ALK: variants seen among roughly 807,000 people sequenced by gnomAD.
ALK encodes ALK tyrosine kinase receptor.
ALK carries 74 observed loss-of-function variants against 163.1 expected under a neutral mutation model. The ratio of observed to expected loss-of-function variants is 0.45; its 90% CI spans 0.38 to 0.55. The LOEUF is 0.55. Among genes scored for constraint, ALK ranks in the 20% least tolerant of loss-of-function variants. ALK has a pLI of 0.00. For missense variants in ALK, 2,063 were observed against 2,105.3 expected, an observed-to-expected ratio of 0.98 and a Z score of 0.39; for synonymous variants, 960 against 843.2, an observed-to-expected ratio of 1.14 and a Z score of -2.40.
chr2:29,474,558 T>A (rs190151785), intron 4 of ALK, among the ~76,000 whole-genome samples: 1 of 152,234 alleles, frequency 6.6e-6, no homozygotes. Context: ...ATTCTGAGGT[T>A]TGATATTTTT....
At chr2:29,243,143 A>G (rs1432543930) in intron 12 of ALK, among the ~76,000 whole-genome samples, 1 of 152,226 alleles carries the variant, frequency 6.6e-6, no homozygotes, top group African/African-American at 2.4e-5. Flanking sequence ...ACCTGGATCC[A>G]GATCCCAGCT....
At chr2:29,318,224 G>A in intron 8 of ALK, 80 bp downstream of exon 8, 5 of 1,206,252 alleles carry the variant, frequency 4.1e-6, no homozygotes, top group Non-Finnish European at 6.1e-6. Context: ...AGCCAGCTAG[G>A]CTACTTTCTT....
chr2:29,892,986 A>C (rs1158033175), intron 1 of ALK, among the ~76,000 whole-genome samples: 2 of 152,156 alleles, frequency 1.3e-5, no homozygotes, highest in Non-Finnish European at 1.5e-5. Context: ...AGCTTTATAA[A>C]GTCCTCCAGC....
intron 1 of ALK, among the ~76,000 whole-genome samples, chr2:29,796,391 A>G (rs1006888837): frequency 6.6e-6 from 1 of 152,208 alleles, no homozygotes; most frequent in Non-Finnish European, 1.5e-5. Context: ...TTAAAAGACC[A>G]AAAAAGCTCC....
chr2:29,497,047 T>C (rs1672046169), intron 4 of ALK, among the ~76,000 whole-genome samples: 2 of 152,052 alleles, frequency 1.3e-5, no homozygotes, highest in African/African-American at 4.8e-5. Flanking sequence ...GAGGCGGGTT[T>C]ATCACCTGAG....
chr2:29,339,505 G>A (rs1383628263), intron 5 of ALK, among the ~76,000 whole-genome samples: 1 of 152,182 alleles, frequency 6.6e-6, no homozygotes, highest in Non-Finnish European at 1.5e-5. Flanking sequence ...GCCGTGGCAA[G>A]GAGCATGGAC....
In ALK at chr2:29,837,581, T is replaced by C. The variant is rs765290313; in HGVS notation, c.667+82412A>G. The stretch of plus-strand genomic sequence containing the variant: ...CTGTGGAGAATCCTCGATAAATTCA[T>C]AGAAGCCCCAGAAAGTCCATGCTTA... On this transcript the variant is annotated intron_variant, in intron 1 of 28. Coordinates refer to ENST00000389048, the MANE Select transcript of ALK (RefSeq NM_004304.5). 5.9e-5 allele frequency among the ~76,000 whole-genome samples: 9 copies of C among 152,284 alleles called. 1 individual carries two copies. The highest frequency in any genetic ancestry group is 2.6e-4 in the Admixed American group (4 of 15,290).
At chr2:29,396,844 T>TTTGTTTTTTG (rs1193648747) in intron 4 of ALK, among the ~76,000 whole-genome samples, 6 of 132,790 alleles carry the variant, frequency 4.5e-5, no homozygotes, top group African/African-American at 1.7e-4. Flanking sequence ...TGGTTTTTTT[T>TTTGTTTTTTG]TTTTTTTTTT....
At chr2:29,874,255 C>T (rs1666648429) in intron 1 of ALK, among the ~76,000 whole-genome samples, 1 of 151,480 alleles carries the variant, frequency 6.6e-6, no homozygotes, top group Admixed American at 6.6e-5. Flanking sequence ...ACCCCCGCCA[C>T]CCAGGACCAA....
intron 1 of ALK, among the ~76,000 whole-genome samples, chr2:29,788,967 T>A (rs1394158569): frequency 3.3e-5 from 5 of 150,556 alleles, no homozygotes; most frequent in African/African-American, 7.3e-5. Context: ...CAACTTTAGC[T>A]AAGTTTTGCA....
At chr2:29,235,249 T>C (rs914230128) in intron 13 of ALK, among the ~76,000 whole-genome samples, 9 of 152,304 alleles carry the variant, frequency 5.9e-5, no homozygotes, top group East Asian at 1.9e-4. Context: ...TTTCACTTAA[T>C]AGAAAAAAAG....
At chr2:29,361,603 T>C (rs1668390041) in intron 5 of ALK, among the ~76,000 whole-genome samples, 1 of 152,182 alleles carries the variant, frequency 6.6e-6, no homozygotes. Flanking sequence ...GGTAAGTCAC[T>C]TAATCTCTCT....
chr2:29,878,157 T>A (rs1045586003), intron 1 of ALK, among the ~76,000 whole-genome samples: 1 of 152,214 alleles, frequency 6.6e-6, no homozygotes, highest in Non-Finnish European at 1.5e-5. Flanking sequence ...AGCTTTTTGT[T>A]TAGCAAGAAG....
chr2:29,802,918 C>T (rs895233289), intron 1 of ALK, among the ~76,000 whole-genome samples: 1 of 151,956 alleles, frequency 6.6e-6, no homozygotes, highest in African/African-American at 2.4e-5. Flanking sequence ...GACCCCCAAA[C>T]CATGCATTTT....
chr2:29,467,079 C>T (rs1248344832), intron 4 of ALK, among the ~76,000 whole-genome samples: 2 of 152,126 alleles, frequency 1.3e-5, no homozygotes, highest in African/African-American at 4.8e-5. Flanking sequence ...ATTCACCTCA[C>T]ATACAATAGT....
intron 1 of ALK, among the ~76,000 whole-genome samples, chr2:29,736,222 A>C (rs1232459679): frequency 1.3e-5 from 2 of 152,100 alleles, no homozygotes; most frequent in Admixed American, 6.5e-5. Flanking sequence ...GGAAAATTAC[A>C]TATATTGTAT....
At chr2:29,825,871 T>C (rs1027480615) in intron 1 of ALK, among the ~76,000 whole-genome samples, 1 of 152,056 alleles carries the variant, frequency 6.6e-6, no homozygotes. Context: ...ACTGAGAAGT[T>C]AGAATCAAAA....
At chr2:29,699,932 T>G (rs1386162859) in intron 2 of ALK, among the ~76,000 whole-genome samples, 1 of 152,244 alleles carries the variant, frequency 6.6e-6, no homozygotes. Context: ...AGGATGGTTC[T>G]GGGCTTGGTC....
chr2:29,719,346 G>A (rs1167475529), intron 1 of ALK, among the ~76,000 whole-genome samples: 1 of 152,196 alleles, frequency 6.6e-6, no homozygotes, highest in Non-Finnish European at 1.5e-5. Context: ...CTGCAAAACA[G>A]CTCAGAGGAA....
Sources: allele counts gnomAD v4.1 joint callset (sites outside exome capture counted in the v4.1 genomes callset), GRCh38; gene constraint gnomAD v4.1.1; transcripts MANE v1.5; gene names NCBI Gene and HGNC (gene_info 2026-07-23, HGNC 2026-07-21).